CADM2: variants seen among roughly 807,000 people sequenced by gnomAD.
CADM2 encodes the protein immunoglobulin superfamily member 4D.
A neutral mutation model predicts 49.8 loss-of-function variants in CADM2; 12 were observed. The observed-to-expected ratio is 0.24, with a 90% CI of 0.15 to 0.39. The LOEUF is 0.39. Ranked by LOEUF, CADM2 falls within the 10% of genes least tolerant of loss-of-function variation. The pLI is 1.00. For synonymous variants in CADM2, 214 were observed against 175.4 expected (o/e 1.22, Z -1.74); for missense variants, 378 against 492.3 (o/e 0.77, Z 2.20).
intron 1 of CADM2, among the ~76,000 whole-genome samples, chr3:85,099,950 T>A (rs1476278290): frequency 6.6e-6 from 1 of 152,158 alleles, no homozygotes; most frequent in Admixed American, 6.5e-5. Context: ...AGTTTATAAT[T>A]GAATTTTATT....
chr3:85,883,189 G>T (rs1713065327), intron 3 of CADM2, 102 bp from the exon 4 acceptor site: 4 of 843,280 alleles, frequency 4.7e-6, no homozygotes, highest in South Asian at 6.7e-5. Context: ...TGAATGTATG[G>T]CCAAAGAAAA....
intron 3 of CADM2, among the ~76,000 whole-genome samples, chr3:85,810,103 T>G (rs1017539686): frequency 6.6e-6 from 1 of 152,078 alleles, no homozygotes; most frequent in Admixed American, 6.6e-5. Context: ...AACATCCTAC[T>G]TTGGTGTCTG....
At chr3:85,935,945 T>A in intron 7 of CADM2, 88 bp downstream of exon 7, 1 of 683,422 alleles carries the variant, frequency 1.5e-6, no homozygotes, top group East Asian at 2.7e-5. Context: ...AATCCACAGT[T>A]TGTGTCTTTT....
intron 1 of CADM2, among the ~76,000 whole-genome samples, chr3:85,373,766 G>T (rs567674122): frequency 7.4e-4 from 112 of 152,238 alleles, no homozygotes; most frequent in African/African-American, 2.5e-3. Flanking sequence ...AATGTAAGCT[G>T]CCAAGGTGTA....
chr3:84,983,361 GT>G (rs199926849), intron 1 of CADM2, among the ~76,000 whole-genome samples: 2,645 of 142,346 alleles, frequency 0.019, 45 homozygotes, highest in East Asian at 0.083. Context: ...GTCTATATCT[GT>G]TTTTTTTTTT....
chr3:86,063,947 C>G (rs1739004929), intron 8 of CADM2, among the ~76,000 whole-genome samples: 1 of 152,064 alleles, frequency 6.6e-6, no homozygotes, highest in African/African-American at 2.4e-5. Flanking sequence ...TTGCCCAGGT[C>G]TTCACTCAGT....
intron 1 of CADM2, among the ~76,000 whole-genome samples, chr3:85,445,294 C>G (rs2037393910): frequency 6.6e-6 from 1 of 152,016 alleles, no homozygotes; most frequent in Non-Finnish European, 1.5e-5. Flanking sequence ...AATATTTTAA[C>G]TTACTAATAA....
intron 2 of CADM2, among the ~76,000 whole-genome samples, chr3:85,768,693 A>T (rs2069809994): frequency 6.8e-6 from 1 of 146,580 alleles, no homozygotes; most frequent in African/African-American, 2.5e-5. Flanking sequence ...ACACATATAT[A>T]GTATAAATAT....
chr3:85,757,743 G>A (rs1265716207), intron 2 of CADM2, among the ~76,000 whole-genome samples: 1 of 152,100 alleles, frequency 6.6e-6, no homozygotes, highest in Non-Finnish European at 1.5e-5. Flanking sequence ...AGAATAAAGT[G>A]ATTGGAGATG....
chr3:85,340,458 A>G (rs935918714), intron 1 of CADM2, among the ~76,000 whole-genome samples: 1 of 151,556 alleles, frequency 6.6e-6, no homozygotes, highest in Non-Finnish European at 1.5e-5. Context: ...GTGTACATAT[A>G]TATGTGCATT....
chr3:85,597,361 T>C (rs2063274021), intron 1 of CADM2, among the ~76,000 whole-genome samples: 1 of 152,072 alleles, frequency 6.6e-6, no homozygotes, highest in Admixed American at 6.6e-5. Flanking sequence ...CTTTATGTGC[T>C]TGTCTAGATA....
chr3:86,059,890 A>C (rs1045051827), intron 8 of CADM2, among the ~76,000 whole-genome samples: 1 of 152,170 alleles, frequency 6.6e-6, no homozygotes, highest in Non-Finnish European at 1.5e-5. Context: ...ATTTAAAAAA[A>C]AGCATAGCCA....
At chr3:85,941,933 T>C (rs1449175647) in intron 7 of CADM2, among the ~76,000 whole-genome samples, 1 of 152,226 alleles carries the variant, frequency 6.6e-6, no homozygotes, top group Non-Finnish European at 1.5e-5. Flanking sequence ...AACTATTACA[T>C]TGTAAAAGGT....
chr3:85,501,908 C>T (rs1048759990), intron 1 of CADM2, among the ~76,000 whole-genome samples: 6 of 152,002 alleles, frequency 3.9e-5, no homozygotes, highest in Non-Finnish European at 8.8e-5. Context: ...GTCCTTAAGC[C>T]AAACACAGTC....
rs188357920 is a variant in CADM2, at chr3:85,545,868, T to C, written c.62-180654T>C. Among the ~76,000 whole-genome samples the C allele has an allele frequency of 5.9e-4, 90 of 152,300 alleles. 1 individual carries two copies. The highest frequency in any genetic ancestry group is 1.2e-3 in the Admixed American group (19 of 15,296). On this transcript the variant is annotated intron_variant, in intron 1 of 9. Coordinates refer to ENST00000383699, the MANE Select transcript of CADM2 (RefSeq NM_001167675.2). ...AAGAAGAACCAGAACTTCTGCTTTA[T>C]ATGATCTCAGTTTACCAGAGATCTA...
At chr3:85,277,758 T>C (rs1287354897) in intron 1 of CADM2, among the ~76,000 whole-genome samples, 1 of 151,380 alleles carries the variant, frequency 6.6e-6, no homozygotes, top group Non-Finnish European at 1.5e-5. Context: ...ATTTATAGTA[T>C]GTTTGCCTTT....
intron 1 of CADM2, among the ~76,000 whole-genome samples, chr3:85,246,189 C>T (rs370350068): frequency 7.6e-4 from 116 of 152,128 alleles, no homozygotes; most frequent in African/African-American, 2.6e-3. Flanking sequence ...AGCAAACTAT[C>T]GCAAGAACAA....
At chr3:85,452,804 G>C (rs1172937373) in intron 1 of CADM2, among the ~76,000 whole-genome samples, 4 of 152,122 alleles carry the variant, frequency 2.6e-5, no homozygotes, top group South Asian at 2.1e-4. Flanking sequence ...GACCATTTTG[G>C]AAGTGTAATA....
At chr3:85,444,032 T>C (rs989703739) in intron 1 of CADM2, among the ~76,000 whole-genome samples, 2 of 152,180 alleles carry the variant, frequency 1.3e-5, no homozygotes, top group African/African-American at 4.8e-5. Context: ...GTCCAGTTGC[T>C]TGGCTCCAAA....
Sources: gnomAD v4.1 joint callset for allele counts (sites outside exome capture counted in the v4.1 genomes callset) on GRCh38, gnomAD v4.1.1 for gene constraint, MANE v1.5 for transcripts, NCBI Gene and HGNC (gene_info 2026-07-23, HGNC 2026-07-21) for gene names.